AP1S2: variants seen among roughly 807,000 people sequenced by gnomAD.
The protein encoded by AP1S2 is AP-1 complex subunit sigma-2.
AP1S2 carries 1 observed loss-of-function variant against 14.3 expected under a neutral mutation model. That is an observed-to-expected ratio of 0.07 (90% CI 0.02 to 0.33). The LOEUF is 0.33. AP1S2 is among the 10% of genes least tolerant of loss of function. AP1S2 has a pLI of 0.99. For missense variants in AP1S2, 30 were observed against 117.7 expected, an observed-to-expected ratio of 0.25 and a Z score of 3.45; for synonymous variants, 30 against 40.5, an observed-to-expected ratio of 0.74 and a Z score of 0.99.
At chrX:15,847,892 T>G (rs952598235) in intron 2 of AP1S2, among the ~76,000 whole-genome samples, 1 of 112,045 alleles carries the variant, frequency 8.9e-6, no homozygotes, top group African/African-American at 3.2e-5. Flanking sequence ...TACTAACAGT[T>G]TCAAGTAAAA....
At chrX:15,832,236 G>A in intron 4 of AP1S2, 1 of 709,980 alleles carries the variant, frequency 1.4e-6, no homozygotes. Flanking sequence ...ATTTTCCTGG[G>A]GTGACAGCCC....
chrX:15,833,357 G>A, intron 4 of AP1S2: 1 of 852,188 alleles, frequency 1.2e-6, no homozygotes, highest in Non-Finnish European at 1.4e-6. Flanking sequence ...ACCTTTTACT[G>A]CTTTTAGGAA....
chrX:15,831,874 G>A (rs746298707), intron 4 of AP1S2: 258 of 739,561 alleles, frequency 3.5e-4, no homozygotes, highest in Non-Finnish European at 3.9e-4. Flanking sequence ...TAAGTCATCT[G>A]GTCAATACTG....
intron 4 of AP1S2, among the ~76,000 whole-genome samples, chrX:15,835,026 A>G (rs1468785403): frequency 9.0e-6 from 1 of 111,027 alleles, no homozygotes; most frequent in Non-Finnish European, 1.9e-5. Flanking sequence ...TATGACTCAC[A>G]AGTAAAACCA....
In AP1S2 at chrX:15,852,378, A is replaced by C. The variant is rs376525848; in HGVS notation, c.147T>G (p.Leu49=). 2.2e-5 allele frequency: 27 copies of C among 1,209,712 alleles called. No individual in the cohort carries two copies. Among genetic ancestry groups the C allele is most frequent in the Non-Finnish European group, 2.9e-5 (26 of 894,959 alleles). The change falls in exon 2 of 6, where the codon CTT becomes CTG. Residue 49 remains leucine (L), a synonymous_variant. Coordinates refer to ENST00000672987, the MANE Select transcript of AP1S2 (RefSeq NM_001272071.2). ...AAACAATCTTCAGATCTCGCCACTC[A>C]AGGAAGCTGCACATTTTAGGTTTCC... is the stretch of plus-strand genomic sequence containing the variant. ...LARKPKMCSF[L]EWRDLKIVYK...
At chrX:15,854,646 C>CA in intron 1 of AP1S2, 42 bp downstream of exon 1, 1 of 588,215 alleles carries the variant, frequency 1.7e-6, no homozygotes, top group Non-Finnish European at 2.1e-6. Context: ...CCCTCCCCCT[C>CA]TCCCCCATCC....
chrX:15,852,962 G>C (rs1288630797), intron 1 of AP1S2: 1 of 481,712 alleles, frequency 2.1e-6, no homozygotes, highest in Non-Finnish European at 2.6e-6. Context: ...TCCTGAGGCC[G>C]TTCTAGTTCC....
At chrX:15,846,369 G>A (rs912431619) in intron 2 of AP1S2, among the ~76,000 whole-genome samples, 2 of 111,954 alleles carry the variant, frequency 1.8e-5, no homozygotes, top group Non-Finnish European at 3.8e-5. Context: ...TGTAAGTACA[G>A]AGAAGAAAAC....
rs998569469 is a variant in AP1S2, at chrX:15,827,093, C to G, written c.*232G>C. The G allele has an allele frequency of 1.0e-4, 41 of 402,746 alleles. No individual in the cohort carries two copies. The highest frequency in any genetic ancestry group is 4.8e-5 in the Non-Finnish European group (11 of 230,489). 33.2% of individuals were successfully genotyped at this position (402,746 alleles called of 1,213,427 possible). ...AACTGACCTTTAAACTTTAAAATAT[C>G]CAGAAAAGGTATCTCTTTCTGCACC... is the stretch of plus-strand genomic sequence containing the variant. On this transcript the variant is annotated 3_prime_UTR_variant, in exon 6 of 6. Coordinates refer to ENST00000672987, the MANE Select transcript of AP1S2 (RefSeq NM_001272071.2).
At position 15,840,384 on chromosome X, in the gene AP1S2, A is replaced by T. The variant is rs377529228; in HGVS notation, c.426+4995T>A. ...TTAAAGCCCAAATGCCCAGTATTTA[A>T]CTATTTGATCTTCACGGATCAAGCA... On this transcript the variant is annotated intron_variant, in intron 4 of 5. Transcript: ENST00000672987. The T allele has an allele frequency of 4.0e-5, 13 of 321,111 alleles. No homozygotes were observed. In the East Asian group the frequency reaches 1.5e-3, roughly 37 times the overall value. 26.5% of individuals were successfully genotyped at this position (321,111 alleles called of 1,213,427 possible). A position where few individuals can be genotyped will look rare whatever the true frequency, so the allele number is the denominator to read the frequency against.
intron 4 of AP1S2, among the ~76,000 whole-genome samples, chrX:15,834,231 C>A (rs1403681679): frequency 7.6e-5 from 8 of 104,792 alleles, no homozygotes; most frequent in Non-Finnish European, 1.4e-4. Flanking sequence ...CACCCCTCCC[C>A]TTCTCCCCAG....
intron 2 of AP1S2, among the ~76,000 whole-genome samples, chrX:15,848,270 T>C (rs1212850541): frequency 8.9e-6 from 1 of 111,757 alleles, no homozygotes; most frequent in Non-Finnish European, 1.9e-5. Flanking sequence ...ATCCTCGCCC[T>C]ACATGAGACA....
intron 4 of AP1S2, among the ~76,000 whole-genome samples, chrX:15,829,315 C>T (rs1443692351): frequency 9.0e-6 from 1 of 111,700 alleles, no homozygotes; most frequent in Non-Finnish European, 1.9e-5. Context: ...CATAAATATT[C>T]AAGAAAAATT....
Position 15,835,822 on chromosome X carries a change from C to T in AP1S2, c.427-7622G>A, listed in dbSNP as rs553162741. On this transcript the variant is annotated intron_variant, in intron 4 of 5. Transcript: ENST00000672987. ...AAAAATGTGTAATACTAAATACATG[C>T]TTGTTTTTACACTTCTGGAAAAAAG... Among the ~76,000 whole-genome samples, 13 of 111,115 alleles carry T rather than the reference C, an allele frequency of 1.2e-4. No individual in the cohort carries two copies. The South Asian group carries it at 3.7e-3, about 32-fold the overall frequency.
At chrX:15,849,983 G>A (rs1934122762) in intron 2 of AP1S2, among the ~76,000 whole-genome samples, 1 of 111,601 alleles carries the variant, frequency 9.0e-6, no homozygotes, top group Non-Finnish European at 1.9e-5. Flanking sequence ...CACTGAAAAT[G>A]TTCTGGCAAA....
chrX:15,849,767 C>T (rs1934113561), intron 2 of AP1S2, among the ~76,000 whole-genome samples: 1 of 110,024 alleles, frequency 9.1e-6, no homozygotes. Flanking sequence ...ACGGGGGACT[C>T]CTTCCCCTAT....
At chrX:15,845,052 G>C (rs1354337790) in intron 4 of AP1S2, 1 of 748,370 alleles carries the variant, frequency 1.3e-6, no homozygotes, top group Non-Finnish European at 1.6e-6. Flanking sequence ...TAGATGGAGA[G>C]TTCTCAACTT....
intron 4 of AP1S2, among the ~76,000 whole-genome samples, chrX:15,841,974 C>A (rs1394985137): frequency 9.0e-6 from 1 of 111,729 alleles, no homozygotes. Flanking sequence ...GGCCTCAGAC[C>A]AGTCATGGAA....
chrX:15,844,083 A>C (rs1001025441), intron 4 of AP1S2, among the ~76,000 whole-genome samples: 1 of 112,176 alleles, frequency 8.9e-6, no homozygotes, highest in African/African-American at 3.2e-5. Flanking sequence ...CATTAAGTGT[A>C]CAATGCATTG....
Sources: allele counts gnomAD v4.1 joint callset (sites outside exome capture counted in the v4.1 genomes callset), GRCh38; gene constraint gnomAD v4.1.1; transcripts MANE v1.5; gene names NCBI Gene and HGNC (gene_info 2026-07-23, HGNC 2026-07-21).